HS1BP3: variants seen among roughly 807,000 people sequenced by gnomAD.
HS1BP3 encodes the protein HCLS1-binding protein 3.
Under a neutral mutation model 33.5 loss-of-function variants are expected in HS1BP3, and 32 were observed. The observed-to-expected ratio is 0.95, with a 90% CI of 0.72 to 1.28. HS1BP3 has a LOEUF of 1.28. HS1BP3 is among the 50% of genes most tolerant of loss of function. The probability of loss-of-function intolerance (pLI) is 0.00; values close to 1 mark genes in which losing one functional copy is unlikely to be tolerated. For missense variants in HS1BP3, 486 were observed against 502.3 expected, an observed-to-expected ratio of 0.97 and a Z score of 0.31; for synonymous variants, 187 against 209.2, an observed-to-expected ratio of 0.89 and a Z score of 0.92.
At chr2:20,646,875 C>T (rs1695536323) in intron 1 of HS1BP3, among the ~76,000 whole-genome samples, 1 of 152,186 alleles carries the variant, frequency 6.6e-6, no homozygotes, top group South Asian at 2.1e-4. Context: ...AGCTCTGCTA[C>T]CCAGACCCAC....
intron 2 of HS1BP3, among the ~76,000 whole-genome samples, chr2:20,644,162 C>T (rs1440994994): frequency 1.3e-5 from 2 of 152,166 alleles, no homozygotes; most frequent in Non-Finnish European, 2.9e-5. Context: ...GTCCTTTTCA[C>T]AAGAGGCCAA....
chr2:20,575,071 TCTGGATGC>T (rs1693367598), intron 5 of HS1BP3, among the ~76,000 whole-genome samples: 1 of 152,232 alleles, frequency 6.6e-6, no homozygotes, highest in African/African-American at 2.4e-5. Context: ...AACGTAAACG[TCTGGATGC>T]CTAAGGACAA....
At chr2:20,608,819 G>T (rs749382512) in intron 2 of HS1BP3, among the ~76,000 whole-genome samples, 3 of 152,084 alleles carry the variant, frequency 2.0e-5, no homozygotes, top group Non-Finnish European at 2.9e-5. Context: ...TTCTGATTCA[G>T]TGCTCTATCT....
chr2:20,599,645 CACACTCTGT>C (rs1694026183), intron 2 of HS1BP3, among the ~76,000 whole-genome samples: 1 of 146,436 alleles, frequency 6.8e-6, no homozygotes, highest in African/African-American at 2.7e-5. Flanking sequence ...CACACACACA[CACACTCTGT>C]TTTTTTTTTT....
chr2:20,631,308 G>T (rs1033687303), intron 4 of HS1BP3, among the ~76,000 whole-genome samples: 5 of 151,880 alleles, frequency 3.3e-5, no homozygotes, highest in African/African-American at 7.3e-5. Context: ...GAGTCCAGGA[G>T]TTCAAGACCA....
chr2:20,601,767 C>CTTTT (rs1317083474), intron 2 of HS1BP3, among the ~76,000 whole-genome samples: 3 of 63,678 alleles, frequency 4.7e-5, no homozygotes, highest in Admixed American at 2.3e-4. Context: ...TCAAGTGTGT[C>CTTTT]TTCTTTTTTT....
At chr2:20,629,455 C>T (rs1257517059) in intron 4 of HS1BP3, among the ~76,000 whole-genome samples, 1 of 152,224 alleles carries the variant, frequency 6.6e-6, no homozygotes, top group African/African-American at 2.4e-5. Flanking sequence ...GCCCTCTTCT[C>T]CCTTCATTGG....
intron 5 of HS1BP3, 107 bp from the exon 6 acceptor site, chr2:20,624,138 G>T: frequency 7.8e-7 from 1 of 1,283,310 alleles, no homozygotes; most frequent in South Asian, 1.4e-5. Context: ...AGTCCTACAG[G>T]AATTGATGCC....
intron 2 of HS1BP3, among the ~76,000 whole-genome samples, chr2:20,609,886 C>T (rs779890781): frequency 1.3e-5 from 2 of 152,174 alleles, no homozygotes; most frequent in Non-Finnish European, 2.9e-5. Flanking sequence ...CCCCTCCCAC[C>T]ATCAGTGAAA....
intron 2 of HS1BP3, among the ~76,000 whole-genome samples, chr2:20,604,690 T>C (rs137912258): frequency 1.0e-3 from 156 of 152,322 alleles, no homozygotes; most frequent in African/African-American, 3.6e-3. Flanking sequence ...GGGATTCACA[T>C]CCAGCCTGTC....
chr2:20,601,640 C>T (rs932823067), intron 2 of HS1BP3, among the ~76,000 whole-genome samples: 9 of 152,044 alleles, frequency 5.9e-5, no homozygotes, highest in African/African-American at 1.4e-4. Context: ...TCTTGCCTGC[C>T]GCCATGTAAG....
At chr2:20,610,741 A>T (rs931943100) in intron 2 of HS1BP3, among the ~76,000 whole-genome samples, 3 of 152,230 alleles carry the variant, frequency 2.0e-5, no homozygotes, top group South Asian at 4.1e-4. Context: ...GGTAAATACC[A>T]AGGAGCACAA....
chr2:20,554,765 T>C, the HS1BP3 span, among the ~76,000 whole-genome samples: 29 of 151,618 alleles, frequency 1.9e-4, 1 homozygote, highest in African/African-American at 5.6e-4. Flanking sequence ...CTTCCCTATA[T>C]GAAGTGATGA....
rs16987895 is a variant in HS1BP3, at chr2:20,611,471, G to C, written c.178+12425C>G. Among the ~76,000 whole-genome samples the C allele has an allele frequency of 0.016, 2,452 of 152,292 alleles. 45 individuals are homozygous for C. Among genetic ancestry groups the C allele is most frequent in the African/African-American group, 0.048 (1,983 of 41,552 alleles). On this transcript the variant is annotated intron_variant, in intron 2 of 3. Transcript: ENST00000415264. This position sits in a 1 kb window ranked among gnomAD's most constrained non-coding sequence, Gnocchi z 4.9. ...TGACCACATCGTGCGCAAAGTTCAG[G>C]GACCAGGAGAGGGAAACCGATGTGT...
intron 5 of HS1BP3, among the ~76,000 whole-genome samples, chr2:20,585,316 C>G (rs1357058023): frequency 1.3e-5 from 2 of 152,202 alleles, no homozygotes; most frequent in East Asian, 1.9e-4. Context: ...CCATATGCCC[C>G]CATTTGCCTG....
chr2:20,620,675 C>A (rs1229814803), intron 6 of HS1BP3, among the ~76,000 whole-genome samples: 1 of 152,226 alleles, frequency 6.6e-6, no homozygotes, highest in Non-Finnish European at 1.5e-5. Context: ...TCCTCAGTCT[C>A]TTCTATAAAG....
At chr2:20,635,493 G>C (rs572304805) in intron 4 of HS1BP3, 1 of 152,210 alleles carries the variant, frequency 6.6e-6, no homozygotes, top group East Asian at 1.9e-4. Context: ...ACTTTTATCT[G>C]TGTTTGCAAT....
intron 3 of HS1BP3, among the ~76,000 whole-genome samples, chr2:20,596,330 A>G (rs757382531): frequency 2.6e-5 from 4 of 152,214 alleles, no homozygotes; most frequent in Admixed American, 1.3e-4. Flanking sequence ...CCAAGATTCT[A>G]TTCATCTGCT....
At chr2:20,612,010 A>G (rs1308510674) in intron 2 of HS1BP3, among the ~76,000 whole-genome samples, 1 of 152,252 alleles carries the variant, frequency 6.6e-6, no homozygotes, top group East Asian at 1.9e-4. Context: ...CAGCAGCTTA[A>G]CAGAATTTCA....
Sources: gnomAD v4.1 joint callset for allele counts (sites outside exome capture counted in the v4.1 genomes callset) on GRCh38, gnomAD v4.1.1 for gene constraint, Gnocchi (gnomAD v3.1) non-coding constraint, MANE v1.5 for transcripts, NCBI Gene and HGNC (gene_info 2026-07-23, HGNC 2026-07-21) for gene names.